Variants in SLC8A3 observed in about 807,000 individuals in gnomAD.
SLC8A3 encodes the protein solute carrier family 8 member A3.
A neutral mutation model predicts 65.4 loss-of-function variants in SLC8A3; 37 were observed. That is an observed-to-expected ratio of 0.57 (90% CI 0.44 to 0.74). The LOEUF is 0.74. Among genes scored for constraint, SLC8A3 ranks in the 30% least tolerant of loss-of-function variants. The probability of loss-of-function intolerance (pLI) is 0.00; values close to 1 mark genes in which losing one functional copy is unlikely to be tolerated. For synonymous variants in SLC8A3, 461 were observed against 444.5 expected (o/e 1.04, Z -0.47); for missense variants, 1,112 against 1,172.1 (o/e 0.95, Z 0.75).
At chr14:70,126,566 TCTCTCACACA>T (rs755053520) in intron 2 of SLC8A3, among the ~76,000 whole-genome samples, 6 of 107,184 alleles carry the variant, frequency 5.6e-5, no homozygotes, top group Admixed American at 1.1e-4. Context: ...TCTCTCTCTC[TCTCTCACACA>T]CACACACACA....
intron 2 of SLC8A3, among the ~76,000 whole-genome samples, chr14:70,077,564 C>T (rs551676186): frequency 2.6e-5 from 4 of 152,216 alleles, no homozygotes; most frequent in East Asian, 1.9e-4. Context: ...GTATGTACTC[C>T]GGAGGGCTCC....
chr14:70,081,021 A>G (rs1290281958), intron 2 of SLC8A3, among the ~76,000 whole-genome samples: 1 of 152,250 alleles, frequency 6.6e-6, no homozygotes, highest in East Asian at 1.9e-4. Context: ...TCTTTCCAGT[A>G]TACCAATGGT....
intron 2 of SLC8A3, among the ~76,000 whole-genome samples, chr14:70,093,334 T>A (rs1177591953): frequency 6.6e-6 from 1 of 152,216 alleles, no homozygotes; most frequent in Non-Finnish European, 1.5e-5. Context: ...TGTGTTTGCG[T>A]GGTGCACAGG....
chr14:70,062,525 G>A (rs566375275), intron 2 of SLC8A3, among the ~76,000 whole-genome samples: 2 of 152,298 alleles, frequency 1.3e-5, no homozygotes, highest in Admixed American at 6.5e-5. Context: ...TAGCCTAGGA[G>A]CAATAGGCCC....
At chr14:70,063,789 T>C in intron 2 of SLC8A3, 1 of 1,105,850 alleles carries the variant, frequency 9.0e-7, no homozygotes. Context: ...GAGAGAAGAA[T>C]GTTAGTGTTA....
intron 2 of SLC8A3, among the ~76,000 whole-genome samples, chr14:70,147,885 A>T (rs1161392991): frequency 6.6e-6 from 1 of 152,214 alleles, no homozygotes; most frequent in Non-Finnish European, 1.5e-5. Context: ...ACGAATATGC[A>T]TTGTCAAGCT....
chr14:70,132,314 C>T (rs61977457), intron 2 of SLC8A3, among the ~76,000 whole-genome samples: 17,672 of 152,200 alleles, frequency 0.12, 1,227 homozygotes, highest in Non-Finnish European at 0.16. Flanking sequence ...GGAGCCCATC[C>T]CTTTGCACTC....
At chr14:70,142,077 C>T (rs74883275) in intron 2 of SLC8A3, among the ~76,000 whole-genome samples, 1 of 152,222 alleles carries the variant, frequency 6.6e-6, no homozygotes, top group African/African-American at 2.4e-5. Context: ...ATGGCCAGTG[C>T]AGCCCCATGT....
At chr14:70,155,203 G>A (rs950286213) in intron 2 of SLC8A3, among the ~76,000 whole-genome samples, 1 of 152,054 alleles carries the variant, frequency 6.6e-6, no homozygotes, top group African/African-American at 2.4e-5. Flanking sequence ...ATATAGGCGT[G>A]AGCAACCACG....
intron 2 of SLC8A3, among the ~76,000 whole-genome samples, chr14:70,158,934 C>T (rs1896728638): frequency 6.6e-6 from 1 of 152,174 alleles, no homozygotes; most frequent in South Asian, 2.1e-4. Context: ...ATCCTCAAAG[C>T]ATTTGATTCT....
intron 1 of SLC8A3, among the ~76,000 whole-genome samples, chr14:70,181,170 G>A (rs1441404373): frequency 6.6e-6 from 1 of 152,178 alleles, no homozygotes; most frequent in East Asian, 1.9e-4. Context: ...AGTCTTACCT[G>A]TGGTTGTCAG....
At chr14:70,068,899 G>A (rs1164175415) in intron 2 of SLC8A3, among the ~76,000 whole-genome samples, 3 of 151,972 alleles carry the variant, frequency 2.0e-5, no homozygotes, top group Non-Finnish European at 4.4e-5. Context: ...GCTAATTTTT[G>A]TATTTTTTCT....
intron 1 of SLC8A3, among the ~76,000 whole-genome samples, chr14:70,172,147 C>A (rs780883089): frequency 2.6e-5 from 4 of 151,218 alleles, no homozygotes; most frequent in Non-Finnish European, 5.9e-5. Flanking sequence ...AACTTGAGAT[C>A]TTTTCCCCCA....
Position 70,139,856 on chromosome 14 carries a change from A to G in SLC8A3, c.1784+26783T>C, listed in dbSNP as rs575575613. The stretch of plus-strand genomic sequence containing the variant: ...ACTGAATACCATCTCCAAATAACCA[A>G]CATGTCAATAGAGGATGAAAGACAG... On this transcript the variant is annotated intron_variant, in intron 2 of 6. Transcript: ENST00000356921. Among the ~76,000 whole-genome samples the G allele has an allele frequency of 4.6e-5, 7 of 152,304 alleles. No homozygotes were observed. In the South Asian group the frequency reaches 8.3e-4, roughly 18 times the overall value.
chr14:70,136,874 AT>A (rs1479941487), intron 2 of SLC8A3, among the ~76,000 whole-genome samples: 3 of 152,224 alleles, frequency 2.0e-5, no homozygotes, highest in Non-Finnish European at 2.9e-5. Context: ...CATCCTTGGC[AT>A]TTTCACGCAT....
chr14:70,130,314 C>T (rs66884428), intron 2 of SLC8A3, among the ~76,000 whole-genome samples: 5,934 of 152,320 alleles, frequency 0.039, 168 homozygotes, highest in South Asian at 0.074. Flanking sequence ...GCTGACCAAC[C>T]TGTTCCCGCC....
chr14:70,129,892 C>T (rs1203813109), intron 2 of SLC8A3, among the ~76,000 whole-genome samples: 1 of 152,218 alleles, frequency 6.6e-6, no homozygotes, highest in African/African-American at 2.4e-5. Flanking sequence ...GATATTTTCA[C>T]GCATCTTCTA....
intron 2 of SLC8A3, among the ~76,000 whole-genome samples, chr14:70,114,965 C>A (rs1893560548): frequency 6.6e-6 from 1 of 152,068 alleles, no homozygotes; most frequent in Non-Finnish European, 1.5e-5. Context: ...CCAGGTGGGG[C>A]TGACAGACGA....
intron 2 of SLC8A3, among the ~76,000 whole-genome samples, chr14:70,106,564 G>T (rs751056615): frequency 2.6e-5 from 4 of 152,088 alleles, no homozygotes; most frequent in Non-Finnish European, 5.9e-5. Context: ...GCTGCTGCTT[G>T]CAGTGAGAAT....
Sources: allele counts gnomAD v4.1 joint callset (sites outside exome capture counted in the v4.1 genomes callset), GRCh38; gene constraint gnomAD v4.1.1; transcripts MANE v1.5; gene names NCBI Gene and HGNC (gene_info 2026-07-23, HGNC 2026-07-21).